The following HMBOX1 variants were observed in gnomAD, a reference collection of about 807,000 sequenced individuals.
HMBOX1 encodes homeobox-containing protein 1.
In HMBOX1, 14 loss-of-function variants were observed where a neutral mutation model predicts 54.5. That is an observed-to-expected ratio of 0.26 (90% CI 0.17 to 0.40). HMBOX1 has a LOEUF of 0.40. Ranked by LOEUF, HMBOX1 falls within the 10% of genes least tolerant of loss-of-function variation. The pLI, the probability that HMBOX1 is intolerant of heterozygous loss-of-function variation, is 1.00. For synonymous variants in HMBOX1, 160 were observed against 181.0 expected (o/e 0.88, Z 0.93); for missense variants, 332 against 514.4 (o/e 0.65, Z 3.43).
chr8:28,906,053 A>T (rs924516981), intron 1 of HMBOX1, among the ~76,000 whole-genome samples: 29 of 152,222 alleles, frequency 1.9e-4, no homozygotes, highest in African/African-American at 7.0e-4. Context: ...GAATTTAATC[A>T]GAGATTAATC....
chr8:29,051,443 T>G lies in HMBOX1; in HGVS notation c.*288T>G. Reference sequence around the variant, plus strand: ...CCGTCTTAGCATTCCAAGAAAGTGCTTCCAGGTATTTAGATAGCCCTCAGT... The same window carrying G: ...CCGTCTTAGCATTCCAAGAAAGTGCGTCCAGGTATTTAGATAGCCCTCAGT... On this transcript the variant is annotated 3_prime_UTR_variant, in exon 10 of 10. Coordinates refer to ENST00000287701, the MANE Select transcript of HMBOX1 (RefSeq NM_001135726.3). 2.9e-6 allele frequency: 2 copies of G among 683,552 alleles called. No homozygotes were observed. The highest frequency in any genetic ancestry group is 3.0e-5 in the South Asian group (2 of 66,292). The allele number at this position is 683,552 out of a possible 1,614,324, so 42.3% of individuals were successfully genotyped here.
chr8:28,896,964 T>C (rs1812242026), intron 1 of HMBOX1, among the ~76,000 whole-genome samples: 1 of 151,920 alleles, frequency 6.6e-6, no homozygotes, highest in South Asian at 2.1e-4. Flanking sequence ...TATGAGAATC[T>C]GAATATTGGC....
rs1350400298 is a variant in HMBOX1, at chr8:28,934,998, A to G, written c.-57-28813A>G. On this transcript the variant is annotated intron_variant, in intron 1 of 9. Coordinates refer to ENST00000287701, the MANE Select transcript of HMBOX1 (RefSeq NM_001135726.3). ...TTATATTAGAAATGAACAACTGGAA[A>G]GGGAAAGCACAATAACATTGCCACT... Among the ~76,000 whole-genome samples, 6 of 152,214 alleles carry G rather than the reference A, an allele frequency of 3.9e-5. 1 individual carries two copies. The highest frequency in any genetic ancestry group is 5.9e-5 in the Non-Finnish European group (4 of 68,042).
At chr8:28,989,586 T>C (rs1445027400) in intron 4 of HMBOX1, among the ~76,000 whole-genome samples, 1 of 152,234 alleles carries the variant, frequency 6.6e-6, no homozygotes, top group Non-Finnish European at 1.5e-5. Context: ...TCTATCCTTA[T>C]ACCAATACAA....
intron 1 of HMBOX1, among the ~76,000 whole-genome samples, chr8:28,894,772 T>C (rs940253276): frequency 6.6e-6 from 1 of 152,344 alleles, no homozygotes; most frequent in East Asian, 1.9e-4. Context: ...TAACATTGTT[T>C]TGGACACTTT....
intron 6 of HMBOX1, among the ~76,000 whole-genome samples, chr8:29,038,533 C>T (rs970326202): frequency 1.3e-5 from 2 of 152,164 alleles, no homozygotes; most frequent in Non-Finnish European, 2.9e-5. Flanking sequence ...TAGCCAAGTT[C>T]TCCTACAGTT....
At chr8:28,957,394 T>G (rs992294983) in intron 1 of HMBOX1, among the ~76,000 whole-genome samples, 1 of 152,142 alleles carries the variant, frequency 6.6e-6, no homozygotes, top group African/African-American at 2.4e-5. Flanking sequence ...CAGTAGACAC[T>G]GGAGACTCCA....
chr8:29,051,546 C>T lies in HMBOX1; in HGVS notation c.*391C>T, dbSNP rs557668920. 2.8e-6 allele frequency: 2 copies of T among 702,974 alleles called. No individual in the cohort carries two copies. Among genetic ancestry groups the T allele is most frequent in the East Asian group, 2.7e-5 (1 of 37,296 alleles). 43.5% of individuals were successfully genotyped at this position (702,974 alleles called of 1,614,324 possible). A position where few individuals can be genotyped will look rare whatever the true frequency, so the allele number is the denominator to read the frequency against. On this transcript the variant is annotated 3_prime_UTR_variant, in exon 10 of 10. Transcript: ENST00000287701. Reference sequence around the variant, plus strand: ...CACTAGTCTGTACTCCCTTTTCCTTCCCCAAGACTGATAGGATGCAAGCTG... The same window carrying T: ...CACTAGTCTGTACTCCCTTTTCCTTTCCCAAGACTGATAGGATGCAAGCTG...
chr8:28,904,676 C>A lies in HMBOX1; in HGVS notation c.-58+13998C>A, dbSNP rs184374885. Among the ~76,000 whole-genome samples the A allele has an allele frequency of 1.4e-3, 213 of 151,760 alleles. 1 individual carries two copies. Among genetic ancestry groups the A allele is most frequent in the South Asian group, 6.3e-3 (30 of 4,800 alleles). On this transcript the variant is annotated intron_variant, in intron 1 of 9. Coordinates refer to ENST00000287701, the MANE Select transcript of HMBOX1 (RefSeq NM_001135726.3). ...CTTACTTTTAATAGAAACAACTCTT[C>A]ACACTCTTTTTTTTTTTTGAGATGG...
chr8:29,028,243 A>G (rs1164147198), intron 6 of HMBOX1, among the ~76,000 whole-genome samples: 1 of 152,198 alleles, frequency 6.6e-6, no homozygotes, highest in Non-Finnish European at 1.5e-5. Flanking sequence ...CCACAATACT[A>G]TAACGAACCA....
intron 2 of HMBOX1, among the ~76,000 whole-genome samples, chr8:28,968,139 A>G (rs1052132083): frequency 6.6e-6 from 1 of 152,218 alleles, no homozygotes; most frequent in African/African-American, 2.4e-5. Flanking sequence ...GGAGGAGAAG[A>G]CAGATATTCA....
intron 1 of HMBOX1, among the ~76,000 whole-genome samples, chr8:28,899,596 A>G (rs1294436498): frequency 2.0e-5 from 3 of 152,244 alleles, no homozygotes; most frequent in Non-Finnish European, 2.9e-5. Context: ...AAGAATTGAC[A>G]TACTGGGTCA....
At chr8:28,940,094 C>G (rs910920911) in intron 1 of HMBOX1, among the ~76,000 whole-genome samples, 5 of 152,024 alleles carry the variant, frequency 3.3e-5, no homozygotes, top group African/African-American at 1.2e-4. Flanking sequence ...CCGCATCCTC[C>G]ATCTCCTGGG....
intron 1 of HMBOX1, among the ~76,000 whole-genome samples, chr8:28,936,468 T>G (rs1191994600): frequency 1.3e-5 from 2 of 151,980 alleles, no homozygotes; most frequent in East Asian, 3.8e-4. Flanking sequence ...TTAGAGTACT[T>G]TTTGCCTAGA....
chr8:28,898,178 G>A (rs573034661), intron 1 of HMBOX1, among the ~76,000 whole-genome samples: 1 of 152,204 alleles, frequency 6.6e-6, no homozygotes, highest in South Asian at 2.1e-4. Flanking sequence ...TAGATCACCT[G>A]ATTTTTGTCT....
intron 3 of HMBOX1, among the ~76,000 whole-genome samples, chr8:28,978,358 T>G (rs895190291): frequency 6.6e-6 from 1 of 152,232 alleles, no homozygotes; most frequent in Non-Finnish European, 1.5e-5. Context: ...AGTTTGTGCT[T>G]CTTTCACAAA....
chr8:28,933,959 C>T (rs970379406), intron 1 of HMBOX1, among the ~76,000 whole-genome samples: 2 of 152,140 alleles, frequency 1.3e-5, no homozygotes, highest in Admixed American at 6.5e-5. Context: ...AAAGGTAACA[C>T]TTCTCAACTC....
At chr8:28,955,045 A>G (rs781780111) in intron 1 of HMBOX1, among the ~76,000 whole-genome samples, 49 of 152,194 alleles carry the variant, frequency 3.2e-4, no homozygotes, top group Non-Finnish European at 6.2e-4. Flanking sequence ...AGGCGTCTTC[A>G]TTGCTCTACT....
intron 6 of HMBOX1, among the ~76,000 whole-genome samples, chr8:29,039,290 G>A (rs899610929): frequency 1.3e-5 from 2 of 152,128 alleles, no homozygotes; most frequent in East Asian, 3.8e-4. Flanking sequence ...GATTAATTCA[G>A]TATATTCAAA....
Sources: gnomAD v4.1 joint callset for allele counts (sites outside exome capture counted in the v4.1 genomes callset) on GRCh38, gnomAD v4.1.1 for gene constraint, MANE v1.5 for transcripts, NCBI Gene and HGNC (gene_info 2026-07-23, HGNC 2026-07-21) for gene names.